COL5A1: variants seen among roughly 807,000 people sequenced by gnomAD.
COL5A1 encodes collagen type V alpha 1 chain.
COL5A1 carries 16 observed loss-of-function variants against 263.7 expected under a neutral mutation model. The observed-to-expected ratio is 0.06, with a 90% confidence interval of 0.04 to 0.09. COL5A1 has a LOEUF of 0.09. Among genes scored for constraint, COL5A1 ranks in the 10% least tolerant of loss-of-function variants. The pLI, the probability that COL5A1 is intolerant of heterozygous loss-of-function variation, is 1.00. For missense variants in COL5A1, 2,036 were observed against 2,540.5 expected, an observed-to-expected ratio of 0.80 and a Z score of 4.27; for synonymous variants, 1,012 against 1,004.5, an observed-to-expected ratio of 1.01 and a Z score of -0.14.
chr9:134,759,271 T>TGC lies in COL5A1; in HGVS notation c.1935+975_1935+976insGC, dbSNP rs1171233404. 1.9e-3 allele frequency among the ~76,000 whole-genome samples: 250 copies of TGC among 131,292 alleles called. 2 individuals are homozygous for TGC. The highest frequency in any genetic ancestry group is 0.013 in the Middle Eastern group (3 of 234). 86.1% of individuals were successfully genotyped at this position (131,292 alleles called of 152,430 possible). A position where few individuals can be genotyped will look rare whatever the true frequency, so the allele number is the denominator to read the frequency against. On this transcript the variant is annotated intron_variant, in intron 18 of 65. Transcript: ENST00000371817. ...ACACATGTGTGCGCGCACACACTCA[T>TGC]ACACACATGCACACACACGCATACA... is the stretch of plus-strand genomic sequence containing the variant.
rs954247604 is a variant in COL5A1, at chr9:134,758,031, C to T, written c.1882-212C>T. On this transcript the variant is annotated intron_variant, in intron 17 of 65. Coordinates refer to ENST00000371817, the MANE Select transcript of COL5A1 (RefSeq NM_000093.5). The surrounding 1 kb of genome is among the most constrained non-coding windows in gnomAD (Gnocchi z 4.1). ...GGGATGAAAGTCATCTCCCCCTTTG[C>T]AGCCCATGTTCATGTTTGCAGGGGA... 6.6e-6 allele frequency among the ~76,000 whole-genome samples: 1 copy of T among 152,216 alleles called. No homozygotes were observed. The highest frequency in any genetic ancestry group is 1.5e-5 in the Non-Finnish European group (1 of 68,040).
intron 65 of COL5A1, among the ~76,000 whole-genome samples, chr9:134,838,257 G>A (rs182775060): frequency 6.6e-6 from 1 of 152,240 alleles, no homozygotes; most frequent in East Asian, 1.9e-4. Flanking sequence ...GCCCCCTACC[G>A]AGTGACGGCA....
At chr9:134,732,276 C>A in intron 9 of COL5A1, 149 bp downstream of exon 9, 1 of 772,184 alleles carries the variant, frequency 1.3e-6, no homozygotes, top group Non-Finnish European at 2.3e-6. Context: ...GTGGAGTCCA[C>A]GCACCACTTG....
chr9:134,642,960 T>C lies in COL5A1; in HGVS notation c.109+664T>C, dbSNP rs1831350598. ...TTGATCCCTGGAAGGCAGCTTTTCC[T>C]GGATTCGCTGCTGAGAGATGGGATG... On this transcript the variant is annotated intron_variant, in intron 1 of 65. Coordinates refer to ENST00000371817, the MANE Select transcript of COL5A1 (RefSeq NM_000093.5). This position sits in a 1 kb window ranked among gnomAD's most constrained non-coding sequence, Gnocchi z 4.5. Among the ~76,000 whole-genome samples, 1 of 152,256 alleles carries C rather than the reference T, an allele frequency of 6.6e-6. No homozygotes were observed. Among genetic ancestry groups the C allele is most frequent in the South Asian group, 2.1e-4 (1 of 4,838 alleles).
chr9:134,643,752 G>C (rs1396671755), intron 1 of COL5A1, among the ~76,000 whole-genome samples: 1 of 152,286 alleles, frequency 6.6e-6, no homozygotes, highest in East Asian at 1.9e-4. Flanking sequence ...GTGTGGTCAG[G>C]GACTGTGCCA....
At chr9:134,835,418 G>T (rs1346811957) in intron 65 of COL5A1, among the ~76,000 whole-genome samples, 1 of 152,236 alleles carries the variant, frequency 6.6e-6, no homozygotes, top group Non-Finnish European at 1.5e-5. Flanking sequence ...GAGTTCTGTG[G>T]GTTAGGATGG....
rs1838873128 is a variant in COL5A1, at chr9:134,818,800, G to A, written c.4338+37G>A. ...GTGAGGGGCAGAGGGGTTGCCGAGTGGAGGGACGGGGGACCAGCAACTCAT... is the reference window on the plus strand; with the variant it reads ...GTGAGGGGCAGAGGGGTTGCCGAGTAGAGGGACGGGGGACCAGCAACTCAT... On this transcript the variant is annotated intron_variant, in intron 55 of 65. Coordinates refer to ENST00000371817, the MANE Select transcript of COL5A1 (RefSeq NM_000093.5). This position sits in a 1 kb window ranked among gnomAD's most constrained non-coding sequence, Gnocchi z 6.0. The A allele has an allele frequency of 2.5e-6, 4 of 1,612,482 alleles. No individual in the cohort carries two copies. The highest frequency in any genetic ancestry group is 3.3e-4 in the Middle Eastern group (2 of 6,058).
At chr9:134,831,156 C>T (rs1260981241) in intron 64 of COL5A1, among the ~76,000 whole-genome samples, 1 of 152,220 alleles carries the variant, frequency 6.6e-6, no homozygotes, top group African/African-American at 2.4e-5. Context: ...CAGCCCCAGC[C>T]TCCCTGGGTG....
chr9:134,785,634 C>T (rs1837428454), intron 30 of COL5A1, among the ~76,000 whole-genome samples: 1 of 152,244 alleles, frequency 6.6e-6, no homozygotes, highest in Non-Finnish European at 1.5e-5. Flanking sequence ...GTCCAGACTT[C>T]CTGCCCTATC....
chr9:134,842,278 T>C lies in COL5A1; in HGVS notation c.5492T>C (p.Val1831Ala), dbSNP rs532411382. The C allele has an allele frequency of 3.1e-6, 5 of 1,614,164 alleles. No individual in the cohort carries two copies. Among genetic ancestry groups the C allele is most frequent in the South Asian group, 1.1e-5 (1 of 91,082 alleles). ...GCGTCACAGAAATTTGGATTTGAAG[T>C]GGGGCCGGCTTGCTTCATGGGCTAG... is the stretch of plus-strand genomic sequence containing the variant. Reference protein sequence around the residue: ...GEASQKFGFEVGPACFMG With the variant: ...GEASQKFGFEAGPACFMG Residue 1831 changes from valine (V) to alanine (A), a missense_variant, in exon 66 of 66, where the codon GTG becomes GCG. Physicochemically the swap from Val to Ala is moderately conservative, Grantham distance 64. Around this residue, in one of 3 missense-constraint regions of COL5A1, gnomAD observed 358 missense variants for 384.6 expected, o/e 0.93. Coordinates refer to ENST00000371817, the MANE Select transcript of COL5A1 (RefSeq NM_000093.5). This position sits in a 1 kb window ranked among gnomAD's most constrained non-coding sequence, Gnocchi z 5.8.
intron 18 of COL5A1, among the ~76,000 whole-genome samples, chr9:134,759,377 C>T (rs1460251623): frequency 7.0e-6 from 1 of 142,160 alleles, no homozygotes; most frequent in Admixed American, 7.2e-5. Flanking sequence ...TGCACACACA[C>T]CACACATGCA....
At position 134,820,239 on chromosome 9, in the gene COL5A1, C is replaced by T. The variant is rs747483245; in HGVS notation, c.4554+16C>T. 3.1e-6 allele frequency: 5 copies of T among 1,596,894 alleles called. No individual in the cohort carries two copies. Among genetic ancestry groups the T allele is most frequent in the Non-Finnish European group, 1.7e-6 (2 of 1,164,900 alleles). ...GGGAGAACAGGTGCGTGAGATGGCA[C>T]TTCTTGCATGTGGGCTGTCGAGAGG... On this transcript the variant is annotated intron_variant, in intron 58 of 65. Transcript: ENST00000371817.
rs559045652 is a variant in COL5A1, at chr9:134,667,349, T to C, written c.110-23563T>C. On this transcript the variant is annotated intron_variant, in intron 1 of 65. Transcript: ENST00000371817. ...CAGGCCCTCTCAGGATCAGTGGCTG[T>C]GGAACGCTGACCACCAGGGCCTTCT... Among the ~76,000 whole-genome samples the C allele has an allele frequency of 3.9e-5, 6 of 152,330 alleles. No individual in the cohort carries two copies. The East Asian group carries it at 1.2e-3, about 29-fold the overall frequency.
chr9:134,825,729 G>A (rs1839238032), intron 62 of COL5A1, 63 bp from the exon 63 acceptor site: 22 of 1,123,478 alleles, frequency 2.0e-5, no homozygotes, highest in South Asian at 8.8e-5. Flanking sequence ...AGCGGCTTCC[G>A]GAACCATCCA....
intron 1 of COL5A1, among the ~76,000 whole-genome samples, chr9:134,673,979 G>C (rs1342385167): frequency 6.6e-6 from 1 of 152,126 alleles, no homozygotes; most frequent in Non-Finnish European, 1.5e-5. Context: ...GTCAGGGTTA[G>C]TCATTGGAGA....
chr9:134,737,140 C>G (rs1835129859), intron 9 of COL5A1, among the ~76,000 whole-genome samples: 1 of 152,254 alleles, frequency 6.6e-6, no homozygotes, highest in South Asian at 2.1e-4. Flanking sequence ...CTCTGCAGAG[C>G]CTCTGCCCCT....
chr9:134,766,480 G>A lies in COL5A1; in HGVS notation c.2115G>A (p.Pro705=), dbSNP rs1255184161. Residue 705 remains proline, a synonymous_variant, in exon 22 of 66, where the codon CCG becomes CCA. Transcript: ENST00000371817. The part of the protein sequence containing the change: ...PPGVTGMDGQ[P]GPKGNVGPQG... ...GTGTCACGGGTATGGACGGCCAGCC[G>A]GGGCCAAAAGGAAATGTGGTAAGTC... The A allele has an allele frequency of 1.9e-6, 3 of 1,614,114 alleles. No homozygotes were observed. The highest frequency in any genetic ancestry group is 1.1e-5 in the South Asian group (1 of 91,074).
In COL5A1 at chr9:134,730,332, G is replaced by A. The variant is rs756703956; in HGVS notation, c.1021G>A (p.Val341Met). Residue 341 changes from valine to methionine, a missense_variant, in exon 7 of 66, where the codon GTG (valine) becomes ATG (methionine). Val to Met is a conservative substitution (Grantham distance 21). Coordinates refer to ENST00000371817, the MANE Select transcript of COL5A1 (RefSeq NM_000093.5). ...EDVGIGDYDY[V>M]PSEDYYTPSP... is the part of the protein sequence containing the mutation. The stretch of plus-strand genomic sequence containing the variant: ...CGTCGGCATCGGGGACTATGACTAC[G>A]TGCCCAGTGAGGACTACTACACGCC... 20 of 1,614,122 alleles carry A rather than the reference G, an allele frequency of 1.2e-5. No individual in the cohort carries two copies. The highest frequency in any genetic ancestry group is 1.7e-5 in the Admixed American group (1 of 60,014).
intron 8 of COL5A1, 150 bp from the exon 9 acceptor site, chr9:134,731,921 C>T: frequency 2.0e-6 from 2 of 982,494 alleles, no homozygotes; most frequent in African/African-American, 1.6e-5. Context: ...TGGCCTCTGT[C>T]ACGCTCCTGC....
Sources: gnomAD v4.1 joint callset for allele counts (sites outside exome capture counted in the v4.1 genomes callset) on GRCh38, gnomAD v4.1.1 for gene constraint, gnomAD v4.1.1 regional missense constraint, Gnocchi (gnomAD v3.1) non-coding constraint, MANE v1.5 for transcripts, NCBI Gene and HGNC (gene_info 2026-07-23, HGNC 2026-07-21) for gene names.